The following KLF12 variants were observed in gnomAD, a reference collection of about 807,000 sequenced individuals.
KLF12 encodes the protein KLF transcription factor 12, also known as Krueppel-like factor 12.
Under a neutral mutation model 37.8 loss-of-function variants are expected in KLF12, and 9 were observed. That is an observed-to-expected ratio of 0.24 (90% CI 0.14 to 0.42). The LOEUF is 0.42. KLF12 is among the 10% of genes least tolerant of loss of function. KLF12 has a pLI of 1.00. For missense variants in KLF12, 411 were observed against 516.0 expected (o/e 0.80, Z 1.97); for synonymous variants, 208 against 202.1 (o/e 1.03, Z -0.25).
At chr13:74,091,693 AT>A (rs35193304) in intron 1 of KLF12, among the ~76,000 whole-genome samples, 52,969 of 151,880 alleles carry the variant, frequency 0.35, 11,520 homozygotes, top group East Asian at 0.8. Context: ...AGCACAGGGG[AT>A]TTTAAGGCAG....
chr13:73,831,845 GA>G (rs1884179034), intron 4 of KLF12, among the ~76,000 whole-genome samples: 2 of 152,170 alleles, frequency 1.3e-5, no homozygotes, highest in African/African-American at 4.8e-5. Context: ...TACAGAAAGA[GA>G]AGTGCTACAA....
chr13:73,749,348 AT>A (rs1878585561), intron 6 of KLF12, among the ~76,000 whole-genome samples: 1 of 152,206 alleles, frequency 6.6e-6, no homozygotes, highest in South Asian at 2.1e-4. Context: ...TCTAAATCCT[AT>A]TTCCAGAGTT....
chr13:74,275,778 TTTTCTTTC>T, the KLF12 span, among the ~76,000 whole-genome samples: 9,059 of 93,082 alleles, frequency 0.097, 1,285 homozygotes, highest in African/African-American at 0.15. Flanking sequence ...ATGCCTGTCT[TTTTCTTTC>T]TTTCTTTCTT....
At chr13:73,800,125 G>A (rs1882208358) in intron 5 of KLF12, 1 of 152,004 alleles carries the variant, frequency 6.6e-6, no homozygotes, top group South Asian at 2.1e-4. Context: ...TTTATAGACT[G>A]AATATAACTA....
At chr13:74,198,247 C>G in the KLF12 span, among the ~76,000 whole-genome samples, 2 of 152,074 alleles carry the variant, frequency 1.3e-5, no homozygotes, top group African/African-American at 2.4e-5. Flanking sequence ...ACTCCTGAGG[C>G]TAAAACCCTG....
intron 1 of KLF12, among the ~76,000 whole-genome samples, chr13:74,127,053 T>A (rs1459210486): frequency 6.6e-6 from 1 of 152,152 alleles, no homozygotes; most frequent in Non-Finnish European, 1.5e-5. Flanking sequence ...AAGGCTGGAG[T>A]GCATTGGCTC....
intron 4 of KLF12, among the ~76,000 whole-genome samples, chr13:73,827,339 A>C (rs1042917755): frequency 6.6e-5 from 10 of 152,158 alleles, no homozygotes; most frequent in African/African-American, 2.4e-4. Context: ...TGATCTCCAA[A>C]GTTGTTGAAT....
chr13:73,923,816 T>C (rs146394415), intron 3 of KLF12, among the ~76,000 whole-genome samples: 1 of 152,170 alleles, frequency 6.6e-6, no homozygotes, highest in African/African-American at 2.4e-5. Context: ...TTTACAGTCA[T>C]AGTCTGCAGA....
the KLF12 span, among the ~76,000 whole-genome samples, chr13:74,247,854 G>A: frequency 6.6e-6 from 1 of 152,136 alleles, no homozygotes; most frequent in Non-Finnish European, 1.5e-5. Flanking sequence ...TAATGTTAAA[G>A]GAAGATATTT....
chr13:74,111,891 A>T (rs1876993827), intron 1 of KLF12, among the ~76,000 whole-genome samples: 1 of 152,200 alleles, frequency 6.6e-6, no homozygotes, highest in Non-Finnish European at 1.5e-5. Flanking sequence ...AGAAAACTAG[A>T]TCATTTTTTG....
chr13:74,060,930 A>G (rs1457866965), intron 1 of KLF12, among the ~76,000 whole-genome samples: 1 of 152,182 alleles, frequency 6.6e-6, no homozygotes, highest in Non-Finnish European at 1.5e-5. Flanking sequence ...TTCCTACCAG[A>G]AGAGAAATTA....
the KLF12 span, among the ~76,000 whole-genome samples, chr13:74,145,184 CA>C: frequency 6.6e-6 from 1 of 152,056 alleles, no homozygotes; most frequent in Non-Finnish European, 1.5e-5. Flanking sequence ...GGTAACTAGA[CA>C]AAAGTCAGGG....
intron 6 of KLF12, among the ~76,000 whole-genome samples, chr13:73,742,039 G>A (rs984138491): frequency 1.3e-5 from 2 of 152,162 alleles, no homozygotes; most frequent in Non-Finnish European, 2.9e-5. Flanking sequence ...AAAAGCCTAC[G>A]GATATGGTGA....
At chr13:73,780,742 G>T (rs901980558) in intron 5 of KLF12, among the ~76,000 whole-genome samples, 1 of 152,226 alleles carries the variant, frequency 6.6e-6, no homozygotes, top group Non-Finnish European at 1.5e-5. Context: ...GATTACAGGC[G>T]TGAGCCACCG....
chr13:73,734,537 T>A (rs1219745605), intron 6 of KLF12, among the ~76,000 whole-genome samples: 1 of 152,132 alleles, frequency 6.6e-6, no homozygotes, highest in African/African-American at 2.4e-5. Flanking sequence ...TTAACCTACT[T>A]ATTTTTATAA....
chr13:73,888,069 C>T (rs1048703583), intron 3 of KLF12, among the ~76,000 whole-genome samples: 1 of 151,802 alleles, frequency 6.6e-6, no homozygotes, highest in African/African-American at 2.4e-5. Context: ...GTGGTACGAT[C>T]TTGGCTTACT....
At chr13:74,200,458 G>T in the KLF12 span, among the ~76,000 whole-genome samples, 678 of 152,262 alleles carry the variant, frequency 4.5e-3, 5 homozygotes, top group African/African-American at 0.015. Flanking sequence ...AGGGTTTAAA[G>T]ATGGAATCAT....
intron 1 of KLF12, among the ~76,000 whole-genome samples, chr13:74,027,278 TTCTCTAA>T (rs998607055): frequency 3.4e-5 from 5 of 147,718 alleles, no homozygotes; most frequent in African/African-American, 1.2e-4. Context: ...CCATGTCTTC[TTCTCTAA>T]CTGTCTTCTT....
At chr13:73,939,333 G>T (rs918356100) in intron 3 of KLF12, among the ~76,000 whole-genome samples, 24 of 152,076 alleles carry the variant, frequency 1.6e-4, no homozygotes, top group African/African-American at 5.6e-4. Context: ...TTAATTTAAA[G>T]AATTTCAAAT....
Sources: allele counts gnomAD v4.1 joint callset (sites outside exome capture counted in the v4.1 genomes callset), GRCh38; gene constraint gnomAD v4.1.1; transcripts MANE v1.5; gene names NCBI Gene and HGNC (gene_info 2026-07-23, HGNC 2026-07-21).